Variants in AZU1 observed in about 807,000 individuals in gnomAD.
AZU1 encodes the protein azurocidin.
A neutral mutation model predicts 17.8 loss-of-function variants in AZU1; 21 were observed. That is an observed-to-expected ratio of 1.18 (90% CI 0.84 to 1.70). The LOEUF is 1.70. AZU1 is among the 40% of genes most tolerant of loss of function. The pLI, the probability that AZU1 is intolerant of heterozygous loss-of-function variation, is 0.00. For missense variants in AZU1, 379 were observed against 362.9 expected, an observed-to-expected ratio of 1.04 and a Z score of -0.36; for synonymous variants, 178 against 155.2, an observed-to-expected ratio of 1.15 and a Z score of -1.09.
intron 3 of AZU1, 36 bp downstream of exon 3, chr19:829,742 C>T (rs370706493): frequency 5.8e-5 from 93 of 1,599,476 alleles, no homozygotes; most frequent in Admixed American, 8.5e-5. Flanking sequence ...CCCAGCACCT[C>T]GGGAGGCCGA....
Position 829,834 on chromosome 19 carries a change from G to A in AZU1, c.360+128G>A, listed in dbSNP as rs959201743. 9.8e-6 allele frequency: 13 copies of A among 1,327,372 alleles called. No homozygotes were observed. In the African/African-American group the frequency reaches 1.9e-4, roughly 20 times the overall value. 82.2% of individuals were successfully genotyped at this position (1,327,372 alleles called of 1,614,324 possible). A position where few individuals can be genotyped will look rare whatever the true frequency, so the allele number is the denominator to read the frequency against. On this transcript the variant is annotated intron_variant, in intron 3 of 4. Coordinates refer to ENST00000233997, the MANE Select transcript of AZU1 (RefSeq NM_001700.5). ...CCGGGAGTGGTGGCGCGCACCTGTGGCCCCTGTGCTTCAGGAGGCCGAGGC... is the reference window on the plus strand; with the variant it reads ...CCGGGAGTGGTGGCGCGCACCTGTGACCCCTGTGCTTCAGGAGGCCGAGGC...
chr19:829,702 T>G lies in AZU1; in HGVS notation c.356T>G (p.Leu119Arg), dbSNP rs1240489442. The G allele has an allele frequency of 5.6e-6, 9 of 1,613,092 alleles. No homozygotes were observed. The highest frequency in any genetic ancestry group is 7.6e-6 in the Non-Finnish European group (9 of 1,179,836). ...CAGAACCTGAACGACCTGATGCTGC[T>G]TCAGGTGAGAGGATGGTGCCACCTG... ...PQQNLNDLML[L>R]QLDREANLTS... The change falls in exon 3 of 5, where the codon CTT (leucine) becomes CGT (arginine). Residue 119 changes from leucine to arginine, a missense_variant. Physicochemically the swap from Leu to Arg is moderately radical, Grantham distance 102. Coordinates refer to ENST00000233997, the MANE Select transcript of AZU1 (RefSeq NM_001700.5).
chr19:832,018 C>A lies in AZU1; in HGVS notation c.*141C>A. ...AATAAAGAAGCCGATCTCTCCTCTG[C>A]TCCTGGTTTCTGTTCATTGGTGGGG... On this transcript the variant is annotated 3_prime_UTR_variant, in exon 5 of 5. Transcript: ENST00000233997. 9.0e-7 allele frequency: 1 copy of A among 1,114,152 alleles called. No homozygotes were observed. The highest frequency in any genetic ancestry group is 1.2e-6 in the Non-Finnish European group (1 of 804,206). 69.0% of individuals were successfully genotyped at this position (1,114,152 alleles called of 1,614,324 possible).
intron 2 of AZU1, 63 bp from the exon 3 acceptor site, chr19:829,498 GC>G (rs1259873726): frequency 3.1e-5 from 49 of 1,578,176 alleles, no homozygotes; most frequent in Admixed American, 8.6e-5. Flanking sequence ...TTGCAAGCCG[GC>G]TTGCTCTGTG....
intron 3 of AZU1, among the ~76,000 whole-genome samples, 174 bp from the exon 4 acceptor site, chr19:830,534 C>T (rs2035274185): frequency 6.6e-6 from 1 of 152,230 alleles, no homozygotes; most frequent in South Asian, 2.1e-4. Flanking sequence ...CCCACCTTGG[C>T]CTCGCAACGT....
chr19:829,439 AG>A, intron 2 of AZU1, 122 bp from the exon 3 acceptor site: 8 of 1,317,304 alleles, frequency 6.1e-6, no homozygotes, highest in Non-Finnish European at 8.3e-6. Context: ...AAAGCGGGGG[AG>A]TTTTCAGGGT....
rs780004498 is a variant in AZU1, at chr19:830,921, C to A, written c.574C>A (p.Arg192Ser). 1 of 1,602,398 alleles carries A rather than the reference C, an allele frequency of 6.2e-7. No homozygotes were observed. The highest frequency in any genetic ancestry group is 8.5e-7 in the Non-Finnish European group (1 of 1,179,928). ...CAACGTGTGCACCGGTGTGCTCACC[C>A]GCCGCGGTGGCATCTGCAATGTGAG... is the stretch of plus-strand genomic sequence containing the variant. Reference protein sequence around the residue: ...PNNVCTGVLTRRGGICNGDGG... With the variant: ...PNNVCTGVLTSRGGICNGDGG... The change falls in exon 4 of 5, where the codon CGC (arginine) becomes AGC (serine). Residue 192 changes from arginine (R) to serine (S), a missense_variant. Physicochemically the swap from Arg to Ser is moderately radical, Grantham distance 110. Transcript: ENST00000233997.
rs753985329 is a variant in AZU1, at chr19:831,684, G to T, written c.595-32G>T. ...TGGGGTGGCGTGGGAGCCAGGCCCT[G>T]GGACGCCCTGACACAGCTGCTGCCT... On this transcript the variant is annotated intron_variant, in intron 4 of 4. Coordinates refer to ENST00000233997, the MANE Select transcript of AZU1 (RefSeq NM_001700.5). 13 of 1,556,854 alleles carry T rather than the reference G, an allele frequency of 8.4e-6. No individual in the cohort carries two copies. The Admixed American group carries it at 2.5e-4, about 30-fold the overall frequency.
At position 831,933 on chromosome 19, in the gene AZU1, C is replaced by G; in HGVS notation, c.*56C>G. 1 of 1,558,210 alleles carries G rather than the reference C, an allele frequency of 6.4e-7. No individual in the cohort carries two copies. Among genetic ancestry groups the G allele is most frequent in the Non-Finnish European group, 8.7e-7 (1 of 1,146,070 alleles). On this transcript the variant is annotated 3_prime_UTR_variant, in exon 5 of 5. Coordinates refer to ENST00000233997, the MANE Select transcript of AZU1 (RefSeq NM_001700.5). ...CCCGCCCTCCACACCTCCGGCGCTC[C>G]GCACCCACCTCCCACGGCCCCGCCC... is the stretch of plus-strand genomic sequence containing the variant.
chr19:828,580 G>T (rs1005681899), intron 2 of AZU1, among the ~76,000 whole-genome samples, 194 bp downstream of exon 2: 1 of 151,434 alleles, frequency 6.6e-6, no homozygotes, highest in African/African-American at 2.4e-5. Flanking sequence ...ATATTGGGGG[G>T]CTCAGATGGA....
intron 2 of AZU1, among the ~76,000 whole-genome samples, chr19:829,133 G>A (rs111867581): frequency 3.8e-5 from 2 of 52,564 alleles, no homozygotes; most frequent in Non-Finnish European, 6.8e-5. Context: ...GAGGTGCAGA[G>A]AAGGGAAGGG....
intron 2 of AZU1, 94 bp downstream of exon 2, chr19:828,480 AGGAGG>A: frequency 2.1e-6 from 2 of 931,554 alleles, no homozygotes; most frequent in Non-Finnish European, 2.7e-6. Flanking sequence ...TTGGTAGGTG[AGGAGG>A]GGAGGGGATT....
Position 831,929 on chromosome 19 carries a change from G to C in AZU1, c.*52G>C. 2 of 1,564,956 alleles carry C rather than the reference G, an allele frequency of 1.3e-6. No individual in the cohort carries two copies. The highest frequency in any genetic ancestry group is 1.2e-5 in the South Asian group (1 of 86,622). ...CAGCCCCGCCCTCCACACCTCCGGCGCTCCGCACCCACCTCCCACGGCCCC... is the reference window on the plus strand; with the variant it reads ...CAGCCCCGCCCTCCACACCTCCGGCCCTCCGCACCCACCTCCCACGGCCCC... On this transcript the variant is annotated 3_prime_UTR_variant, in exon 5 of 5. Coordinates refer to ENST00000233997, the MANE Select transcript of AZU1 (RefSeq NM_001700.5).
rs1179813658 is a variant in AZU1 at position 831,990 on chromosome 19, T to C, written c.*113T>C. The stretch of plus-strand genomic sequence containing the variant: ...CCGCTCCGGCCAGAGGGGCCCTGGC[T>C]GTAATAAAGAAGCCGATCTCTCCTC... On this transcript the variant is annotated 3_prime_UTR_variant, in exon 5 of 5. Transcript: ENST00000233997. 3.1e-5 allele frequency: 41 copies of C among 1,309,040 alleles called. 1 individual carries two copies. Among genetic ancestry groups the C allele is most frequent in the Non-Finnish European group, 4.1e-5 (39 of 960,162 alleles). The allele number at this position is 1,309,040 out of a possible 1,614,324, so 81.1% of individuals were successfully genotyped here.
In AZU1 at chr19:830,817, A is replaced by T; in HGVS notation, c.470A>T (p.Gln157Leu). 1 of 1,607,620 alleles carries T rather than the reference A, an allele frequency of 6.2e-7. No homozygotes were observed. Among genetic ancestry groups the T allele is most frequent in the Middle Eastern group, 1.6e-4 (1 of 6,062 alleles). Residue 157 changes from glutamine (Q) to leucine (L), a missense_variant, in exon 4 of 5, where the codon CAG (glutamine) becomes CTG (leucine). Gln to Leu is a moderately radical substitution (Grantham distance 113, BLOSUM62 -2). Coordinates refer to ENST00000233997, the MANE Select transcript of AZU1 (RefSeq NM_001700.5). ...TRCQVAGWGS[Q>L]RSGGRLSRFP... ...TGCCAGGTGGCCGGCTGGGGGAGCC[A>T]GCGCAGTGGGGGGCGTCTCTCCCGT... is the stretch of plus-strand genomic sequence containing the variant.
In AZU1 at chr19:827,935, A is replaced by G. The variant is rs201295101; in HGVS notation, c.58+31A>G. 5,004 of 1,536,242 alleles carry G rather than the reference A, an allele frequency of 3.3e-3. 17 individuals carry two copies. Among genetic ancestry groups the G allele is most frequent in the Non-Finnish European group, 3.9e-3 (4,471 of 1,146,772 alleles). Reference sequence around the variant, plus strand: ...TGCCTCTCTGTGCCGGTGGTCCCCCATCTGTGCTAGGGCCCGGCTGCCAGG... The same window carrying G: ...TGCCTCTCTGTGCCGGTGGTCCCCCGTCTGTGCTAGGGCCCGGCTGCCAGG... On this transcript the variant is annotated intron_variant, in intron 1 of 4. Coordinates refer to ENST00000233997, the MANE Select transcript of AZU1 (RefSeq NM_001700.5).
At chr19:829,936 A>ATATGTGTGTGTGTGTGTG (rs368933425) in intron 3 of AZU1, among the ~76,000 whole-genome samples, 9 of 137,864 alleles carry the variant, frequency 6.5e-5, no homozygotes, top group Admixed American at 1.5e-4. Context: ...AAAAATATAT[A>ATATGTGTGTGTGTGTGTG]TGTGTGTGTG....
intron 3 of AZU1, 49 bp downstream of exon 3, chr19:829,755 T>G (rs1296197462): frequency 6.3e-7 from 1 of 1,592,314 alleles, no homozygotes; most frequent in South Asian, 1.1e-5. Context: ...GAGGCCGACG[T>G]TAGCCAGGGA....
rs1173728005 is a variant in AZU1, at chr19:831,678, G to A, written c.595-38G>A. On this transcript the variant is annotated intron_variant, in intron 4 of 4. Coordinates refer to ENST00000233997, the MANE Select transcript of AZU1 (RefSeq NM_001700.5). The stretch of plus-strand genomic sequence containing the variant: ...CAGTTCTGGGGTGGCGTGGGAGCCA[G>A]GCCCTGGGACGCCCTGACACAGCTG... 4 of 1,546,542 alleles carry A rather than the reference G, an allele frequency of 2.6e-6. No homozygotes were observed. The African/African-American group carries it at 5.5e-5, about 21-fold the overall frequency.
Sources: gnomAD v4.1 joint callset for allele counts (sites outside exome capture counted in the v4.1 genomes callset) on GRCh38, gnomAD v4.1.1 for gene constraint, MANE v1.5 for transcripts, NCBI Gene and HGNC (gene_info 2026-07-23, HGNC 2026-07-21) for gene names.